RPL19: variants seen among roughly 807,000 people sequenced by gnomAD.
RPL19 encodes ribosomal protein L19, also known as large ribosomal subunit protein eL19.
A neutral mutation model predicts 25.1 loss-of-function variants in RPL19; 2 were observed. The observed-to-expected ratio is 0.08, with a 90% CI of 0.03 to 0.25. RPL19 has a LOEUF of 0.25. RPL19 is among the 10% of genes least tolerant of loss of function. The probability of loss-of-function intolerance (pLI) is 1.00; values close to 1 mark genes in which losing one functional copy is unlikely to be tolerated. For synonymous variants in RPL19, 89 were observed against 91.2 expected (o/e 0.98, Z 0.14); for missense variants, 123 against 271.8 (o/e 0.45, Z 3.85).
intron 1 of RPL19, chr17:39,200,858 CAG>C (rs1019727296): frequency 2.7e-5 from 20 of 727,360 alleles, no homozygotes; most frequent in African/African-American, 7.5e-5. Flanking sequence ...GCCCAGAAAA[CAG>C]AGTAACTTGC....
At chr17:39,204,279 C>A in intron 5 of RPL19, 92 bp downstream of exon 5, 2 of 906,566 alleles carry the variant, frequency 2.2e-6, no homozygotes, top group Non-Finnish European at 3.6e-6. Flanking sequence ...TAAGTCTTGA[C>A]TTGCACGTAG....
Position 39,202,321 on chromosome 17 carries a change from G to C in RPL19, c.117G>C (p.Gln39His). The C allele has an allele frequency of 6.2e-7, 1 of 1,613,672 alleles. No individual in the cohort carries two copies. Among genetic ancestry groups the C allele is most frequent in the Non-Finnish European group, 8.5e-7 (1 of 1,179,924 alleles). The change falls in exon 3 of 6, where the codon CAG (glutamine) becomes CAC (histidine). Residue 39 changes from glutamine to histidine, a missense_variant. By Grantham distance (24) the Gln-to-His change is conservative. Coordinates refer to ENST00000225430, the MANE Select transcript of RPL19 (RefSeq NM_000981.4). ...TNEIANANSR[Q>H]QIRKLIKDGL... ...AGGTGCATTATGCTTTCCCAGGTCA[G>C]CAGATCCGGAAGCTCATCAAAGATG... is the stretch of plus-strand genomic sequence containing the variant.
intron 2 of RPL19, among the ~76,000 whole-genome samples, chr17:39,201,542 A>G (rs571395684): frequency 1.3e-5 from 2 of 151,528 alleles, no homozygotes; most frequent in African/African-American, 4.8e-5. Context: ...AGAGGTGTGC[A>G]CCACCACACC....
At chr17:39,200,991 AGAAATGCGAACATGAGGCTCCGAGAGGT>A (rs2046282987) in intron 1 of RPL19, 194 bp from the exon 2 acceptor site, 1 of 501,454 alleles carries the variant, frequency 2.0e-6, no homozygotes, top group African/African-American at 1.9e-5. Flanking sequence ...TTTCCAGAGG[AGAAATGCGAACATGAGGCTCCGAGAGGT>A]GAAGGCATAG....
In RPL19 at chr17:39,200,354, G is replaced by T; in HGVS notation, c.5+5G>T. On this transcript the variant is annotated splice_donor_5th_base_variant and intron_variant, in intron 1 of 5. Transcript: ENST00000225430. ...TGCTGCGGCCGCAGCCATGAGGTGAGGGCGAGCTGGTCTCCATCAGGCGCT... is the reference window on the plus strand; with the variant it reads ...TGCTGCGGCCGCAGCCATGAGGTGATGGCGAGCTGGTCTCCATCAGGCGCT... The T allele has an allele frequency of 6.4e-7, 1 of 1,567,586 alleles. No individual in the cohort carries two copies. The highest frequency in any genetic ancestry group is 8.6e-7 in the Non-Finnish European group (1 of 1,159,228).
At chr17:39,200,557 G>A (rs761803631) in intron 1 of RPL19, 12 of 1,296,694 alleles carry the variant, frequency 9.3e-6, no homozygotes, top group African/African-American at 1.5e-5. Flanking sequence ...ACCAGGAAAA[G>A]TCTGCCCCGG....
intron 1 of RPL19, 197 bp downstream of exon 1, chr17:39,200,546 G>A (rs1804889038): frequency 7.7e-7 from 1 of 1,300,154 alleles, no homozygotes; most frequent in Non-Finnish European, 9.8e-7. Flanking sequence ...CAGCAACTGA[G>A]ACCAGGAAAA....
intron 2 of RPL19, 123 bp from the exon 3 acceptor site, chr17:39,202,194 T>C: frequency 8.3e-7 from 1 of 1,199,592 alleles, no homozygotes; most frequent in South Asian, 1.4e-5. Context: ...TAAGTTCCAG[T>C]GTTTCCATCC....
Position 39,202,405 on chromosome 17 carries a change from C to T in RPL19, c.201C>T (p.Thr67=). The stretch of plus-strand genomic sequence containing the variant: ...CCCGGGCTCGATGCCGGAAAAACAC[C>T]TTGGCCCGCCGGAAGGGCAGGCACA... ...VHSRARCRKN[T]LARRKGRHMG... Residue 67 remains threonine, a synonymous_variant, in exon 3 of 6, where the codon ACC becomes ACT. Transcript: ENST00000225430. The T allele has an allele frequency of 6.2e-7, 1 of 1,614,240 alleles. No homozygotes were observed. Among genetic ancestry groups the T allele is most frequent in the Non-Finnish European group, 8.5e-7 (1 of 1,180,038 alleles).
intron 1 of RPL19, 103 bp downstream of exon 1, chr17:39,200,452 C>G (rs1439205366): frequency 1.6e-6 from 2 of 1,255,026 alleles, no homozygotes; most frequent in East Asian, 3.6e-5. Context: ...GGAGGCCGCC[C>G]TAAAGCGGCC....
chr17:39,202,292 G>T lies in RPL19; in HGVS notation c.113-25G>T. 5 of 1,612,440 alleles carry T rather than the reference G, an allele frequency of 3.1e-6. No homozygotes were observed. The South Asian group carries it at 5.5e-5, about 18-fold the overall frequency. On this transcript the variant is annotated intron_variant, in intron 2 of 5. Transcript: ENST00000225430. ...TGATGTGCTTGGGCCCCAGTTGACT[G>T]ACCAGGTGCATTATGCTTTCCCAGG...
chr17:39,201,258 T>C lies in RPL19; in HGVS notation c.51T>C (p.Cys17=), dbSNP rs762477350. 1.2e-6 allele frequency: 2 copies of C among 1,613,568 alleles called. No homozygotes were observed. Among genetic ancestry groups the C allele is most frequent in the East Asian group, 4.5e-5 (2 of 44,894 alleles). ...GGCTCGCCTCTAGTGTCCTCCGCTGTGGCAAGAAGAAGGTCTGGTTAGACC... is the reference window on the plus strand; with the variant it reads ...GGCTCGCCTCTAGTGTCCTCCGCTGCGGCAAGAAGAAGGTCTGGTTAGACC... ...QKRLASSVLR[C]GKKKVWLDPN... Residue 17 remains cysteine (C), a synonymous_variant, in exon 2 of 6, where the codon TGT becomes TGC. Transcript: ENST00000225430.
intron 5 of RPL19, 143 bp from the exon 6 acceptor site, chr17:39,204,382 G>T: frequency 9.4e-7 from 1 of 1,066,720 alleles, no homozygotes; most frequent in Non-Finnish European, 1.4e-6. Context: ...CTAGAGGTTA[G>T]TTGAAGCAGG....
intron 1 of RPL19, chr17:39,200,677 G>T: frequency 8.9e-7 from 1 of 1,120,198 alleles, no homozygotes; most frequent in Non-Finnish European, 1.1e-6. Context: ...GAGCGGAGCC[G>T]ATCTCTGCTT....
intron 3 of RPL19, 78 bp downstream of exon 3, chr17:39,202,517 CTG>C: frequency 6.5e-7 from 1 of 1,536,948 alleles, no homozygotes; most frequent in Non-Finnish European, 9.0e-7. Context: ...TCTAAGCACT[CTG>C]TCTCATCTTG....
At position 39,201,279 on chromosome 17, in the gene RPL19, A is replaced by G. The variant is rs773822761; in HGVS notation, c.72A>G (p.Leu24=). ...GCTGTGGCAAGAAGAAGGTCTGGTT[A>G]GACCCCAATGAGACCAATGAAATCG... ...VLRCGKKKVW[L]DPNETNEIAN... is the part of the protein sequence containing the mutation. Residue 24 remains leucine, a synonymous_variant, in exon 2 of 6, where the codon TTA becomes TTG. Coordinates refer to ENST00000225430, the MANE Select transcript of RPL19 (RefSeq NM_000981.4). 6.2e-7 allele frequency: 1 copy of G among 1,613,622 alleles called. No individual in the cohort carries two copies. Among genetic ancestry groups the G allele is most frequent in the Non-Finnish European group, 8.5e-7 (1 of 1,179,762 alleles).
Position 39,202,976 on chromosome 17 carries a change from A to G in RPL19, c.236-13A>G, listed in dbSNP as rs1482046508. On this transcript the variant is annotated splice_polypyrimidine_tract_variant and intron_variant, in intron 3 of 5. Coordinates refer to ENST00000225430, the MANE Select transcript of RPL19 (RefSeq NM_000981.4). ...CTGGGTAGTGGCCCGTTCCTAACTC[A>G]TCTTCTCCACAGGTAAGCGGAAGGG... is the stretch of plus-strand genomic sequence containing the variant. The G allele has an allele frequency of 1.9e-6, 3 of 1,613,744 alleles. No individual in the cohort carries two copies. The highest frequency in any genetic ancestry group is 4.5e-5 in the East Asian group (2 of 44,884).
chr17:39,201,178 C>T, intron 1 of RPL19, 35 bp from the exon 2 acceptor site: 1 of 1,445,834 alleles, frequency 6.9e-7, no homozygotes, highest in Non-Finnish European at 9.7e-7. Context: ...CCAGGATTGG[C>T]TTTCAGAGTC....
rs540397028 is a variant in RPL19 at position 39,200,310 on chromosome 17, G to C, written c.-35G>C. On this transcript the variant is annotated 5_prime_UTR_variant, in exon 1 of 6. Transcript: ENST00000225430. Reference sequence around the variant, plus strand: ...AGATAATGGGAGGAGCCGGGCCCGAGCGAGCTCTTTCCTTTCGCTGCTGCG... The same window carrying C: ...AGATAATGGGAGGAGCCGGGCCCGACCGAGCTCTTTCCTTTCGCTGCTGCG... The C allele has an allele frequency of 2.0e-5, 30 of 1,537,644 alleles. No individual in the cohort carries two copies. The highest frequency in any genetic ancestry group is 2.8e-5 in the African/African-American group (2 of 72,644).
Sources: gnomAD v4.1 joint callset for allele counts (sites outside exome capture counted in the v4.1 genomes callset) on GRCh38, gnomAD v4.1.1 for gene constraint, MANE v1.5 for transcripts, NCBI Gene and HGNC (gene_info 2026-07-23, HGNC 2026-07-21) for gene names.